The following BBX variants were observed in gnomAD, a reference collection of about 807,000 sequenced individuals.
BBX encodes HMG box transcription factor BBX.
In BBX, 30 loss-of-function variants were observed where a neutral mutation model predicts 100.2. The observed-to-expected ratio is 0.30, with a 90% confidence interval of 0.22 to 0.41. The LOEUF is 0.41. BBX is among the 10% of genes least tolerant of loss of function. The probability of loss-of-function intolerance (pLI) is 1.00; values close to 1 mark genes in which losing one functional copy is unlikely to be tolerated. For synonymous variants in BBX, 376 were observed against 388.1 expected (o/e 0.97, Z 0.37); for missense variants, 1,023 against 1,129.8 (o/e 0.91, Z 1.35).
At chr3:107,679,408 C>T (rs563166050) in intron 3 of BBX, among the ~76,000 whole-genome samples, 1 of 152,072 alleles carries the variant, frequency 6.6e-6, no homozygotes, top group Non-Finnish European at 1.5e-5. Flanking sequence ...CGCATATTTT[C>T]TCAGCTTTGT....
chr3:107,558,975 TA>T (rs2107464618), intron 2 of BBX, among the ~76,000 whole-genome samples: 1 of 152,328 alleles, frequency 6.6e-6, no homozygotes, highest in East Asian at 1.9e-4. Flanking sequence ...GTAGTTCATG[TA>T]AAAATTTATG....
chr3:107,703,633 T>C (rs1192371879), intron 3 of BBX, among the ~76,000 whole-genome samples: 1 of 152,220 alleles, frequency 6.6e-6, no homozygotes, highest in Non-Finnish European at 1.5e-5. Context: ...CTTGAAGAGC[T>C]ACTGCTTTTC....
Position 107,734,541 on chromosome 3 carries a change from A to G in BBX, c.669+1518A>G, listed in dbSNP as rs529223905. On this transcript the variant is annotated intron_variant, in intron 7 of 17. Transcript: ENST00000325805. ...TCCAAAGGTGAATGTTGGACTAATAATATGCACTTGACCTTTCAACATGTC... is the reference window on the plus strand; with the variant it reads ...TCCAAAGGTGAATGTTGGACTAATAGTATGCACTTGACCTTTCAACATGTC... 3.3e-5 allele frequency among the ~76,000 whole-genome samples: 5 copies of G among 152,342 alleles called. No homozygotes were observed. In the East Asian group the frequency reaches 5.8e-4, roughly 18 times the overall value.
At chr3:107,563,813 T>C (rs2050684260) in intron 2 of BBX, among the ~76,000 whole-genome samples, 2 of 152,200 alleles carry the variant, frequency 1.3e-5, no homozygotes. Flanking sequence ...GCCTGACATG[T>C]ATTAAACACT....
At chr3:107,752,505 C>T (rs1377812913) in intron 9 of BBX, among the ~76,000 whole-genome samples, 3 of 152,046 alleles carry the variant, frequency 2.0e-5, no homozygotes, top group African/African-American at 4.8e-5. Flanking sequence ...TTTACAATAC[C>T]GTCATAATTG....
At chr3:107,606,066 A>C (rs2054413242) in intron 2 of BBX, among the ~76,000 whole-genome samples, 1 of 152,238 alleles carries the variant, frequency 6.6e-6, no homozygotes, top group Non-Finnish European at 1.5e-5. Context: ...TAGGAAAATA[A>C]GCTCTTTTTC....
At chr3:107,708,021 G>T (rs2061487829) in intron 3 of BBX, among the ~76,000 whole-genome samples, 1 of 152,166 alleles carries the variant, frequency 6.6e-6, no homozygotes, top group African/African-American at 2.4e-5. Context: ...CCTTAAATGG[G>T]TTTAACTACC....
At chr3:107,573,959 G>A (rs9758102) in intron 2 of BBX, among the ~76,000 whole-genome samples, 1 of 151,996 alleles carries the variant, frequency 6.6e-6, no homozygotes, top group Non-Finnish European at 1.5e-5. Flanking sequence ...TCCTGATCTC[G>A]GGTGATCCAC....
chr3:107,551,085 T>A (rs1455457044), intron 2 of BBX, among the ~76,000 whole-genome samples: 4 of 152,196 alleles, frequency 2.6e-5, no homozygotes, highest in African/African-American at 4.8e-5. Flanking sequence ...GCAAAAAAAA[T>A]GTTAAATAAA....
chr3:107,712,556 A>G (rs1421485528), intron 4 of BBX, among the ~76,000 whole-genome samples: 1 of 152,164 alleles, frequency 6.6e-6, no homozygotes, highest in Non-Finnish European at 1.5e-5. Flanking sequence ...AAATCCTCTC[A>G]GACTCTACCT....
At chr3:107,748,580 A>C (rs1357313856) in intron 9 of BBX, among the ~76,000 whole-genome samples, 1 of 152,222 alleles carries the variant, frequency 6.6e-6, no homozygotes, top group Non-Finnish European at 1.5e-5. Flanking sequence ...TGTCAGCCGA[A>C]GAGAGCACAC....
chr3:107,749,358 T>C (rs1049947017), intron 9 of BBX, among the ~76,000 whole-genome samples: 17 of 152,348 alleles, frequency 1.1e-4, no homozygotes, highest in African/African-American at 3.8e-4. Context: ...TTGACTAAAT[T>C]TATTTTTAAT....
chr3:107,534,459 C>T (rs1201417337), intron 2 of BBX, among the ~76,000 whole-genome samples: 1 of 152,068 alleles, frequency 6.6e-6, no homozygotes, highest in Non-Finnish European at 1.5e-5. Flanking sequence ...GTTTCCCTCC[C>T]TTCTTTTCCC....
intron 10 of BBX, among the ~76,000 whole-genome samples, chr3:107,757,745 T>C (rs1031285087): frequency 6.6e-6 from 1 of 152,240 alleles, no homozygotes; most frequent in African/African-American, 2.4e-5. Context: ...GTACTTGATA[T>C]TCATTTTTCA....
At chr3:107,658,524 C>A (rs574311177) in intron 3 of BBX, among the ~76,000 whole-genome samples, 3 of 152,108 alleles carry the variant, frequency 2.0e-5, no homozygotes, top group Admixed American at 6.5e-5. Context: ...TAATAAAGAT[C>A]CTTTAGAAAG....
intron 4 of BBX, among the ~76,000 whole-genome samples, chr3:107,714,232 G>T (rs1307658493): frequency 6.6e-6 from 1 of 151,652 alleles, no homozygotes; most frequent in Non-Finnish European, 1.5e-5. Flanking sequence ...CCCCACCTTG[G>T]CCTCCCAAAG....
chr3:107,710,399 G>C, intron 3 of BBX, 53 bp from the exon 4 acceptor site: 2 of 1,420,362 alleles, frequency 1.4e-6, no homozygotes, highest in Non-Finnish European at 1.9e-6. Flanking sequence ...TTATCTCGGT[G>C]TCTCTCTTTC....
intron 3 of BBX, among the ~76,000 whole-genome samples, chr3:107,692,083 T>C (rs1300383314): frequency 6.6e-6 from 1 of 152,086 alleles, no homozygotes; most frequent in Non-Finnish European, 1.5e-5. Flanking sequence ...AGACTATTGA[T>C]TCTTAACTAA....
intron 13 of BBX, among the ~76,000 whole-genome samples, chr3:107,782,526 C>T (rs1489529476): frequency 6.6e-6 from 1 of 152,054 alleles, no homozygotes; most frequent in Non-Finnish European, 1.5e-5. Context: ...CTTAATTCAC[C>T]TTACTCACTG....
Sources: allele counts gnomAD v4.1 joint callset (sites outside exome capture counted in the v4.1 genomes callset), GRCh38; gene constraint gnomAD v4.1.1; transcripts MANE v1.5; gene names NCBI Gene and HGNC (gene_info 2026-07-23, HGNC 2026-07-21).